The following ANO10 variants were observed in gnomAD, a reference collection of about 807,000 sequenced individuals.
The protein encoded by ANO10 is anoctamin 10, also known as anoctamin-10.
A neutral mutation model predicts 74.7 loss-of-function variants in ANO10; 77 were observed. The ratio of observed to expected loss-of-function variants is 1.03; its 90% confidence interval spans 0.86 to 1.25. The LOEUF (loss-of-function observed/expected upper bound fraction) is 1.25, where lower values mean the gene tolerates loss of function less well. Among genes scored for constraint, ANO10 ranks in the 50% most tolerant of loss-of-function variants. The pLI is 0.00. For missense variants in ANO10, 721 were observed against 778.1 expected (o/e 0.93, Z 0.87); for synonymous variants, 279 against 284.9 (o/e 0.98, Z 0.21).
intron 10 of ANO10, among the ~76,000 whole-genome samples, chr3:43,552,800 A>G (rs183179971): frequency 6.7e-6 from 1 of 149,522 alleles, no homozygotes; most frequent in Non-Finnish European, 1.5e-5. Context: ...TACACACACT[A>G]TTTTCTTTTT....
chr3:43,676,973 A>G (rs945481547), intron 1 of ANO10, among the ~76,000 whole-genome samples: 3 of 152,226 alleles, frequency 2.0e-5, no homozygotes, highest in Non-Finnish European at 2.9e-5. Flanking sequence ...ACAGTACAAC[A>G]GCTAATATTC....
chr3:43,443,679 C>CTTT (rs59685910), intron 11 of ANO10, among the ~76,000 whole-genome samples: 5,394 of 121,934 alleles, frequency 0.044, 426 homozygotes, highest in African/African-American at 0.14. Context: ...TTCCTTCCTT[C>CTTT]TTTTTTTTTT....
chr3:43,480,185 CCAAA>C (rs1258588132), intron 11 of ANO10, among the ~76,000 whole-genome samples: 4 of 151,894 alleles, frequency 2.6e-5, no homozygotes, highest in African/African-American at 7.2e-5. Flanking sequence ...ACAGAAGAAC[CCAAA>C]CAAACAAGGA....
At chr3:43,463,046 G>C (rs889686022) in intron 11 of ANO10, among the ~76,000 whole-genome samples, 1 of 152,192 alleles carries the variant, frequency 6.6e-6, no homozygotes, top group African/African-American at 2.4e-5. Context: ...TGCAGGGGCG[G>C]GGCTCTCATG....
chr3:43,369,635 C>T (rs894028427), intron 12 of ANO10, among the ~76,000 whole-genome samples: 7 of 152,154 alleles, frequency 4.6e-5, no homozygotes, highest in Non-Finnish European at 8.8e-5. Context: ...AGGGCAGTGG[C>T]AGACCAGGTG....
intron 11 of ANO10, among the ~76,000 whole-genome samples, chr3:43,532,428 CT>C (rs1222187022): frequency 6.6e-6 from 1 of 152,160 alleles, no homozygotes; most frequent in Non-Finnish European, 1.5e-5. Context: ...AATAATCTGA[CT>C]AGGTCATTGG....
chr3:43,594,469 G>T (rs1055567122), intron 4 of ANO10, among the ~76,000 whole-genome samples: 3 of 152,258 alleles, frequency 2.0e-5, no homozygotes, highest in African/African-American at 7.2e-5. Flanking sequence ...ACTCAGAACT[G>T]CTCAGCTACA....
At chr3:43,379,494 C>T (rs1263637677) in intron 12 of ANO10, among the ~76,000 whole-genome samples, 1 of 152,178 alleles carries the variant, frequency 6.6e-6, no homozygotes, top group Non-Finnish European at 1.5e-5. Flanking sequence ...CAGGAACATA[C>T]CAGGAAAGCC....
intron 11 of ANO10, among the ~76,000 whole-genome samples, chr3:43,545,153 C>CTT (rs1422503761): frequency 6.6e-6 from 1 of 151,882 alleles, no homozygotes; most frequent in Non-Finnish European, 1.5e-5. Flanking sequence ...TTATAGGGGC[C>CTT]ATGAATAAAC....
chr3:43,622,626 CCAGA>C (rs1232336002), upstream of ANO10, among the ~76,000 whole-genome samples: 3 of 152,284 alleles, frequency 2.0e-5, no homozygotes, highest in Admixed American at 6.5e-5. Context: ...CTAGAAATCG[CCAGA>C]CACCTTTCCA....
intron 1 of ANO10, among the ~76,000 whole-genome samples, chr3:43,688,015 A>C (rs1234511299): frequency 6.6e-6 from 1 of 152,194 alleles, no homozygotes; most frequent in African/African-American, 2.4e-5. Context: ...CCATTGTTGA[A>C]GATGACTCCA....
chr3:43,405,896 T>C (rs1180101801), intron 12 of ANO10, among the ~76,000 whole-genome samples: 1 of 152,246 alleles, frequency 6.6e-6, no homozygotes, highest in Non-Finnish European at 1.5e-5. Context: ...AGTAATTACC[T>C]ACTTCTTTGA....
rs145747951 is a variant in ANO10 at position 43,565,289 on chromosome 3, A to G, written c.1293+364T>C. On this transcript the variant is annotated intron_variant, in intron 8 of 12. Coordinates refer to ENST00000292246, the MANE Select transcript of ANO10 (RefSeq NM_018075.5). ...CTAAAGTTTAACAACTTATTAACTT[A>G]AAAATTAAATTTGCGAGACCTAAGG... Among the ~76,000 whole-genome samples the G allele has an allele frequency of 8.8e-3, 1,344 of 152,324 alleles. 8 individuals carry two copies. The highest frequency in any genetic ancestry group is 0.014 in the Non-Finnish European group (930 of 68,020).
intron 11 of ANO10, among the ~76,000 whole-genome samples, chr3:43,445,802 T>C (rs897620421): frequency 6.6e-6 from 1 of 152,092 alleles, no homozygotes; most frequent in African/African-American, 2.4e-5. Context: ...CGAGCTCAAG[T>C]GATCTTCCCA....
Position 43,542,715 on chromosome 3 carries a change from A to G in ANO10, c.1797+7005T>C, listed in dbSNP as rs534461225. On this transcript the variant is annotated intron_variant, in intron 11 of 12. Transcript: ENST00000292246. ...GACTTTGACACCCCAAGCTACCTCT[A>G]TGCTGTGACACTACCTGCTTAACCA... is the stretch of plus-strand genomic sequence containing the variant. 6.6e-5 allele frequency among the ~76,000 whole-genome samples: 10 copies of G among 152,352 alleles called. No homozygotes were observed. The East Asian group carries it at 1.3e-3, about 21-fold the overall frequency.
chr3:43,568,303 A>G (rs2080487187), intron 7 of ANO10, among the ~76,000 whole-genome samples: 2 of 152,246 alleles, frequency 1.3e-5, no homozygotes, highest in Middle Eastern at 3.4e-3. Flanking sequence ...AAGGATACCC[A>G]GGAATTGAAC....
chr3:43,408,859 G>A (rs900295089), intron 12 of ANO10, among the ~76,000 whole-genome samples: 3 of 151,958 alleles, frequency 2.0e-5, no homozygotes, highest in Admixed American at 6.6e-5. Context: ...GTGAAACCCC[G>A]TCTCTACTAA....
At position 43,580,414 on chromosome 3, in the gene ANO10, T is replaced by G; in HGVS notation, c.531A>C (p.Glu177Asp). ...AGGTGTCCTCAAGCTTCTTCAGGGC[T>G]TCACTGTCATGCAGTGGAAACACCT... ...VIQVFPLHDS[E>D]ALKKLEDTWY... Residue 177 changes from glutamate to aspartate, a missense_variant, in exon 5 of 13, where the codon GAA becomes GAC. Transcript: ENST00000292246. The G allele has an allele frequency of 1.2e-6, 2 of 1,614,008 alleles. No homozygotes were observed. The highest frequency in any genetic ancestry group is 2.2e-5 in the East Asian group (1 of 44,860).
chr3:43,382,914 C>T (rs1284847860), intron 12 of ANO10, among the ~76,000 whole-genome samples: 1 of 152,132 alleles, frequency 6.6e-6, no homozygotes, highest in Non-Finnish European at 1.5e-5. Context: ...GAATCCAGGA[C>T]TAGATGGATT....
Sources: gnomAD v4.1 joint callset for allele counts (sites outside exome capture counted in the v4.1 genomes callset) on GRCh38, gnomAD v4.1.1 for gene constraint, MANE v1.5 for transcripts, NCBI Gene and HGNC (gene_info 2026-07-23, HGNC 2026-07-21) for gene names.